NAV3: variants seen among roughly 807,000 people sequenced by gnomAD.
The protein encoded by NAV3 is pore membrane and/or filament interacting like protein 1.
A neutral mutation model predicts 244.7 loss-of-function variants in NAV3; 87 were observed. The observed-to-expected ratio is 0.36, with a 90% CI of 0.30 to 0.42. The LOEUF (loss-of-function observed/expected upper bound fraction) is 0.42. Among genes scored for constraint, NAV3 ranks in the 20% least tolerant of loss-of-function variants. NAV3 has a pLI of 1.00. For synonymous variants in NAV3, 1,126 were observed against 1,042.2 expected, an observed-to-expected ratio of 1.08 and a Z score of -1.55; for missense variants, 2,663 against 2,893.3, an observed-to-expected ratio of 0.92 and a Z score of 1.83.
intron 2 of NAV3, among the ~76,000 whole-genome samples, chr12:77,641,858 C>T (rs1213596113): frequency 1.3e-5 from 2 of 152,044 alleles, no homozygotes; most frequent in African/African-American, 4.8e-5. Flanking sequence ...GGAATATTTC[C>T]AAGTATATGC....
At chr12:78,099,466 A>G (rs944252207) in intron 12 of NAV3, among the ~76,000 whole-genome samples, 2 of 151,830 alleles carry the variant, frequency 1.3e-5, no homozygotes, top group East Asian at 1.9e-4. Flanking sequence ...CAGATGATTT[A>G]CTTTGTTCCT....
chr12:77,843,819 G>C (rs867889794), intron 1 of NAV3, among the ~76,000 whole-genome samples: 35 of 145,882 alleles, frequency 2.4e-4, no homozygotes, highest in Middle Eastern at 3.6e-3. Context: ...AACCAATTTA[G>C]ACCCTGTCTT....
chr12:77,850,440 C>T (rs138367759), intron 1 of NAV3, among the ~76,000 whole-genome samples: 4 of 152,160 alleles, frequency 2.6e-5, no homozygotes, highest in African/African-American at 9.6e-5. Context: ...GGATTTCAGA[C>T]AGGATACTTA....
intron 36 of NAV3, among the ~76,000 whole-genome samples, 190 bp downstream of exon 36, chr12:78,198,866 C>G (rs300496): frequency 0.95 from 142,249 of 150,078 alleles, 67,562 homozygotes; most frequent in East Asian, 1. Flanking sequence ...TTTCTCAAGC[C>G]AACGTTTTGT....
chr12:77,633,743 G>A (rs564995048), intron 2 of NAV3, among the ~76,000 whole-genome samples: 13 of 152,168 alleles, frequency 8.5e-5, no homozygotes, highest in Non-Finnish European at 1.6e-4. Context: ...GTTCAAAGTC[G>A]AGACATTTCA....
intron 1 of NAV3, among the ~76,000 whole-genome samples, chr12:77,875,292 A>T (rs958775053): frequency 6.6e-6 from 1 of 152,038 alleles, no homozygotes; most frequent in African/African-American, 2.4e-5. Context: ...CTAGGTATCC[A>T]CAAGGGTCAT....
At chr12:77,809,293 T>C (rs1170410091) in intron 2 of NAV3, among the ~76,000 whole-genome samples, 1 of 152,180 alleles carries the variant, frequency 6.6e-6, no homozygotes, top group Non-Finnish European at 1.5e-5. Flanking sequence ...CCCAGGGTCG[T>C]GGTGGTGTAG....
chr12:77,806,305 T>C (rs886297582), intron 2 of NAV3, among the ~76,000 whole-genome samples: 1 of 152,222 alleles, frequency 6.6e-6, no homozygotes, highest in African/African-American at 2.4e-5. Context: ...GTGCATTTAG[T>C]GCTATAAATT....
At chr12:77,824,428 G>A (rs781321578) in intron 2 of NAV3, among the ~76,000 whole-genome samples, 5 of 151,614 alleles carry the variant, frequency 3.3e-5, no homozygotes, top group Non-Finnish European at 7.4e-5. Flanking sequence ...AAAATTAATT[G>A]CATTAGTAAC....
intron 12 of NAV3, among the ~76,000 whole-genome samples, chr12:78,067,468 T>A (rs557985601): frequency 2.0e-5 from 3 of 152,100 alleles, no homozygotes. Flanking sequence ...ATTGCAAGAA[T>A]ATGAACAGGT....
At chr12:77,612,974 TGAA>T (rs1870984934) in intron 2 of NAV3, among the ~76,000 whole-genome samples, 1 of 152,106 alleles carries the variant, frequency 6.6e-6, no homozygotes, top group African/African-American at 2.4e-5. Context: ...TGCCTCCATG[TGAA>T]GAAGGATGTA....
chr12:78,166,257 T>A (rs1957777631), intron 23 of NAV3, among the ~76,000 whole-genome samples: 1 of 151,688 alleles, frequency 6.6e-6, no homozygotes, highest in Non-Finnish European at 1.5e-5. Context: ...AAGGGAAAAA[T>A]TATATGGAAA....
intron 2 of NAV3, among the ~76,000 whole-genome samples, chr12:77,720,733 G>A (rs553270566): frequency 2.6e-4 from 39 of 152,224 alleles, no homozygotes; most frequent in East Asian, 7.8e-4. Context: ...AGTACAACAC[G>A]TTTTTCTGCC....
chr12:77,740,903 C>A (rs1044571743), intron 2 of NAV3, among the ~76,000 whole-genome samples: 2 of 151,654 alleles, frequency 1.3e-5, no homozygotes, highest in African/African-American at 4.8e-5. Flanking sequence ...CCTCTTACAC[C>A]AAGCATGGTG....
intron 12 of NAV3, among the ~76,000 whole-genome samples, chr12:78,109,244 TGCATCA>T (rs1954963919): frequency 6.6e-6 from 1 of 151,992 alleles, no homozygotes; most frequent in Non-Finnish European, 1.5e-5. Flanking sequence ...ACCAAGCTGT[TGCATCA>T]GGAAGAAATA....
intron 2 of NAV3, among the ~76,000 whole-genome samples, chr12:77,747,303 C>A (rs1462198641): frequency 6.6e-6 from 1 of 152,048 alleles, no homozygotes; most frequent in Non-Finnish European, 1.5e-5. Context: ...CACTGACCAT[C>A]AGAGAAATGC....
chr12:77,687,359 G>A (rs566216506), intron 2 of NAV3, among the ~76,000 whole-genome samples: 1 of 152,086 alleles, frequency 6.6e-6, no homozygotes, highest in African/African-American at 2.4e-5. Flanking sequence ...TTGTTGTGGG[G>A]TGGTAGGAGG....
chr12:78,147,059 C>A (rs2139196428), intron 21 of NAV3, among the ~76,000 whole-genome samples: 1 of 152,082 alleles, frequency 6.6e-6, no homozygotes, highest in South Asian at 2.1e-4. Flanking sequence ...CTGAGGCAAT[C>A]AGACAACAGA....
At chr12:77,866,663 A>T (rs1417696129) in intron 1 of NAV3, among the ~76,000 whole-genome samples, 4 of 152,226 alleles carry the variant, frequency 2.6e-5, no homozygotes, top group Admixed American at 2.6e-4. Flanking sequence ...TTTGATTAGG[A>T]TTTAAAACCT....
Sources: allele counts gnomAD v4.1 joint callset (sites outside exome capture counted in the v4.1 genomes callset), GRCh38; gene constraint gnomAD v4.1.1; transcripts MANE v1.5; gene names NCBI Gene and HGNC (gene_info 2026-07-23, HGNC 2026-07-21).